The following WASHC5 variants were observed in gnomAD, a reference collection of about 807,000 sequenced individuals.
WASHC5 encodes the protein WASH complex subunit 5.
WASHC5 carries 101 observed loss-of-function variants against 150.4 expected under a neutral mutation model. The observed-to-expected ratio is 0.67, with a 90% CI of 0.57 to 0.79. The LOEUF (loss-of-function observed/expected upper bound fraction) is 0.79, where lower values mean the gene tolerates loss of function less well. WASHC5 is among the 30% of genes least tolerant of loss of function. The pLI, the probability that WASHC5 is intolerant of heterozygous loss-of-function variation, is 0.00. For synonymous variants in WASHC5, 467 were observed against 491.2 expected, an observed-to-expected ratio of 0.95 and a Z score of 0.65; for missense variants, 1,195 against 1,396.3, an observed-to-expected ratio of 0.86 and a Z score of 2.30.
At chr8:125,052,785 T>A (rs1277289880) in intron 17 of WASHC5, among the ~76,000 whole-genome samples, 2 of 152,196 alleles carry the variant, frequency 1.3e-5, no homozygotes, top group Non-Finnish European at 2.9e-5. Flanking sequence ...TGATGATGGA[T>A]GTTTAGATTA....
At chr8:125,067,879 G>A (rs1450151646) in intron 9 of WASHC5, among the ~76,000 whole-genome samples, 160 bp from the exon 10 acceptor site, 1 of 152,178 alleles carries the variant, frequency 6.6e-6, no homozygotes, top group Non-Finnish European at 1.5e-5. Context: ...TCTATGCCAT[G>A]GAGTACAATT....
rs1185031670 is a variant in WASHC5 at position 125,043,920 on chromosome 8, AT to A, written c.2771-17del. ...TTTGAATTTGCTGAAAAGTTAAAACATAATTTTCTCTTTAGTACATTCGTAA... is the reference window on the plus strand; with the variant it reads ...TTTGAATTTGCTGAAAAGTTAAAACAAATTTTCTCTTTAGTACATTCGTAA... On this transcript the variant is annotated splice_polypyrimidine_tract_variant and intron_variant, in intron 22 of 28. Coordinates refer to ENST00000318410, the MANE Select transcript of WASHC5 (RefSeq NM_014846.4). 1.2e-6 allele frequency: 2 copies of A among 1,606,176 alleles called. No individual in the cohort carries two copies. Among genetic ancestry groups the A allele is most frequent in the African/African-American group, 2.7e-5 (2 of 74,792 alleles).
chr8:125,047,361 A>C, intron 19 of WASHC5, 30 bp from the exon 20 acceptor site: 1 of 1,604,580 alleles, frequency 6.2e-7, no homozygotes, highest in Non-Finnish European at 8.5e-7. Flanking sequence ...ATATTTAGTA[A>C]ACCTTTGATA....
chr8:125,085,528 A>G (rs1404047504), intron 1 of WASHC5, among the ~76,000 whole-genome samples: 2 of 152,204 alleles, frequency 1.3e-5, no homozygotes, highest in Non-Finnish European at 2.9e-5. Context: ...GGAAAAGGGA[A>G]AAAAAGATGT....
intron 5 of WASHC5, among the ~76,000 whole-genome samples, chr8:125,080,299 T>C (rs2130199434): frequency 6.6e-6 from 1 of 152,340 alleles, no homozygotes; most frequent in Non-Finnish European, 1.5e-5. Context: ...ACACTGTGTA[T>C]AGTTTTTGTT....
rs16900313 is a variant in WASHC5 at position 125,063,846 on chromosome 8, A to C, written c.1279-195T>G. On this transcript the variant is annotated intron_variant, in intron 10 of 28. Coordinates refer to ENST00000318410, the MANE Select transcript of WASHC5 (RefSeq NM_014846.4). Reference sequence around the variant, plus strand: ...AGGGACAAAGCCAGACCACCTCCAAAACAGTAGTTCTCACACCAACACCAA... The same window carrying C: ...AGGGACAAAGCCAGACCACCTCCAACACAGTAGTTCTCACACCAACACCAA... Among the ~76,000 whole-genome samples, 4,007 of 152,218 alleles carry C rather than the reference A, an allele frequency of 0.026. 183 individuals are homozygous for C. Among genetic ancestry groups the C allele is most frequent in the African/African-American group, 0.092 (3,837 of 41,516 alleles).
chr8:125,072,713 A>T (rs1477934174), intron 9 of WASHC5, among the ~76,000 whole-genome samples: 1 of 152,158 alleles, frequency 6.6e-6, no homozygotes, highest in African/African-American at 2.4e-5. Flanking sequence ...GGGATAATCC[A>T]GAAACATCTC....
Position 125,082,579 on chromosome 8 carries a change from C to CACTA in WASHC5, c.333-116_333-113dup, listed in dbSNP as rs113522720. On this transcript the variant is annotated intron_variant, in intron 3 of 28. Transcript: ENST00000318410. ...CAGGATGCCAGGCATTCTGGCCTTC[C>CACTA]ACTAGTTCATGGTCCTTCATGCTCT... The CACTA allele has an allele frequency of 3.5e-4, 250 of 710,366 alleles. No individual in the cohort carries two copies. In the African/African-American group the frequency reaches 4.0e-3, roughly 11 times the overall value. 44.0% of individuals were successfully genotyped at this position (710,366 alleles called of 1,614,324 possible). A position where few individuals can be genotyped will look rare whatever the true frequency, so the allele number is the denominator to read the frequency against.
chr8:125,052,911 C>T (rs887090579), intron 17 of WASHC5, among the ~76,000 whole-genome samples: 3 of 152,146 alleles, frequency 2.0e-5, no homozygotes, highest in African/African-American at 7.2e-5. Context: ...CATAGTTTAG[C>T]TTACCCTACT....
Position 125,055,655 on chromosome 8 carries a change from T to A in WASHC5, c.2033A>T (p.His678Leu). 1 of 1,609,164 alleles carries A rather than the reference T, an allele frequency of 6.2e-7. No individual in the cohort carries two copies. The highest frequency in any genetic ancestry group is 8.5e-7 in the Non-Finnish European group (1 of 1,175,606). The change falls in exon 17 of 29, where the codon CAT becomes CTT. Residue 678 changes from histidine (H) to leucine (L), a missense_variant. Transcript: ENST00000318410. ...GPRYEVAKLT[H>L]AISIFTEGIL... ...GCCTTCAGTAAAAATGGAAATAGCA[T>A]GAGTAAGCTTGGCAACCTATAACAA...
chr8:125,066,980 A>G (rs1238351203), intron 10 of WASHC5, among the ~76,000 whole-genome samples: 1 of 152,164 alleles, frequency 6.6e-6, no homozygotes, highest in Non-Finnish European at 1.5e-5. Context: ...TTTCCTTCAG[A>G]GCAAATATCT....
At chr8:125,039,959 G>A (rs897300153) in intron 23 of WASHC5, 61 bp from the exon 24 acceptor site, 23 of 1,076,866 alleles carry the variant, frequency 2.1e-5, no homozygotes, top group Non-Finnish European at 3.1e-5. Flanking sequence ...TGACAGTGAG[G>A]AGGTAAACAC....
intron 28 of WASHC5, among the ~76,000 whole-genome samples, chr8:125,026,219 TC>T (rs1157108139): frequency 6.6e-6 from 1 of 152,206 alleles, no homozygotes; most frequent in Non-Finnish European, 1.5e-5. Flanking sequence ...CGAAGGTTTG[TC>T]ATTTCTATTT....
chr8:125,079,614 T>G (rs1008201822), intron 5 of WASHC5, among the ~76,000 whole-genome samples: 1 of 151,358 alleles, frequency 6.6e-6, no homozygotes, highest in South Asian at 2.1e-4. Flanking sequence ...TTTCAAATAG[T>G]AAGAGTCATA....
At chr8:125,060,425 G>A (rs1816559075) in intron 12 of WASHC5, among the ~76,000 whole-genome samples, 2 of 151,764 alleles carry the variant, frequency 1.3e-5, no homozygotes, top group South Asian at 4.1e-4. Flanking sequence ...GGCGGAGGTT[G>A]CAGTGAGCCA....
At position 125,037,706 on chromosome 8, in the gene WASHC5, AGAG is replaced by A. The variant is rs535610165; in HGVS notation, c.3085-376_3085-374del. Reference sequence around the variant, plus strand: ...GGTGAATATAGGGGGAGTGTGGGAGAGAGAAGAGAGAGAGAGGGAAAGAGGGAA... The same window carrying A: ...GGTGAATATAGGGGGAGTGTGGGAGAAAGAGAGAGAGAGGGAAAGAGGGAA... On this transcript the variant is annotated intron_variant, in intron 25 of 28. Transcript: ENST00000318410. Among the ~76,000 whole-genome samples, 34 of 152,114 alleles carry A rather than the reference AGAG, an allele frequency of 2.2e-4. No homozygotes were observed. In the East Asian group the frequency reaches 5.4e-3, roughly 24 times the overall value.
At chr8:125,040,882 G>A (rs1815864156) in intron 23 of WASHC5, 1 of 152,130 alleles carries the variant, frequency 6.6e-6, no homozygotes, top group Non-Finnish European at 1.5e-5. Flanking sequence ...TTGGGAATCT[G>A]GTGAAGCCTA....
intron 27 of WASHC5, among the ~76,000 whole-genome samples, chr8:125,030,845 G>C (rs930507496): frequency 1.3e-5 from 2 of 152,116 alleles, no homozygotes; most frequent in African/African-American, 4.8e-5. Flanking sequence ...TCACTATGGT[G>C]AGCAGCCTCT....
At chr8:125,074,087 C>T (rs1816980041) in intron 8 of WASHC5, among the ~76,000 whole-genome samples, 1 of 152,096 alleles carries the variant, frequency 6.6e-6, no homozygotes, top group Non-Finnish European at 1.5e-5. Context: ...GGTCATTCTG[C>T]TTTACTTAAA....
Sources: gnomAD v4.1 joint callset for allele counts (sites outside exome capture counted in the v4.1 genomes callset) on GRCh38, gnomAD v4.1.1 for gene constraint, MANE v1.5 for transcripts, NCBI Gene and HGNC (gene_info 2026-07-23, HGNC 2026-07-21) for gene names.